Variants in SPG11 observed in about 807,000 individuals in gnomAD.
SPG11 encodes the protein spatacsin.
In SPG11, 222 loss-of-function variants were observed where a neutral mutation model predicts 274.0. That is an observed-to-expected ratio of 0.81 (90% CI 0.73 to 0.91). The LOEUF is 0.91. Ranked by LOEUF, SPG11 falls within the 40% of genes least tolerant of loss-of-function variation. SPG11 has a pLI of 0.00. For synonymous variants in SPG11, 1,144 were observed against 1,039.7 expected (o/e 1.10, Z -1.93); for missense variants, 3,114 against 2,872.7 (o/e 1.08, Z -1.92).
At chr15:44,624,309 G>T (rs907230324) in intron 11 of SPG11, among the ~76,000 whole-genome samples, 1 of 151,236 alleles carries the variant, frequency 6.6e-6, no homozygotes, top group Non-Finnish European at 1.5e-5. Context: ...GCAACATAGT[G>T]AGACCCTGTC....
At chr15:44,603,827 G>A (rs1030192569) in intron 20 of SPG11, among the ~76,000 whole-genome samples, 4 of 152,130 alleles carry the variant, frequency 2.6e-5, no homozygotes, top group African/African-American at 9.7e-5. Context: ...CATGTAGATA[G>A]TTGTTATACT....
At chr15:44,583,697 A>G in intron 30 of SPG11, 117 bp downstream of exon 30, 1 of 1,359,828 alleles carries the variant, frequency 7.4e-7, no homozygotes, top group Non-Finnish European at 1.0e-6. Context: ...TACCTGGAAA[A>G]AAGTTGTTGT....
rs777943276 is a variant in SPG11, at chr15:44,573,691, G to T, written c.6061C>A (p.Arg2021=). 6.2e-7 allele frequency: 1 copy of T among 1,614,050 alleles called. No homozygotes were observed. The highest frequency in any genetic ancestry group is 8.5e-7 in the Non-Finnish European group (1 of 1,180,042). Residue 2021 remains arginine, a synonymous_variant, in exon 32 of 40, where the codon CGG becomes AGG. Coordinates refer to ENST00000261866, the MANE Select transcript of SPG11 (RefSeq NM_025137.4). ...GGCTGCTGAGAGGCCAAGATTTTCCGGAGCATGGCTTCACCATCCTGAGCA... is the reference window on the plus strand; with the variant it reads ...GGCTGCTGAGAGGCCAAGATTTTCCTGAGCATGGCTTCACCATCCTGAGCA... ...VAAQDGEAML[R]KILASQQPDR...
intron 30 of SPG11, among the ~76,000 whole-genome samples, chr15:44,581,945 G>C (rs187305016): frequency 3.9e-5 from 6 of 152,152 alleles, no homozygotes; most frequent in Non-Finnish European, 7.4e-5. Context: ...TAAAATGGAA[G>C]ACTAAAAAAT....
chr15:44,577,585 C>G (rs892234995), intron 30 of SPG11, among the ~76,000 whole-genome samples: 1 of 151,762 alleles, frequency 6.6e-6, no homozygotes, highest in Non-Finnish European at 1.5e-5. Flanking sequence ...CCATGCTATT[C>G]CCCTGCTTAA....
intron 29 of SPG11, 99 bp downstream of exon 29, chr15:44,585,537 G>T (rs914661485): frequency 3.5e-5 from 34 of 966,852 alleles, no homozygotes; most frequent in Non-Finnish European, 5.1e-5. Context: ...GAGAGGCGGA[G>T]CTTGCAGCGA....
chr15:44,596,654 C>T, intron 24 of SPG11, 130 bp downstream of exon 24: 1 of 712,584 alleles, frequency 1.4e-6, no homozygotes, highest in Middle Eastern at 4.6e-4. Flanking sequence ...CAGTACGTAT[C>T]CTGGTCAAAA....
chr15:44,634,611 G>C (rs2084184059), intron 7 of SPG11, among the ~76,000 whole-genome samples: 1 of 151,722 alleles, frequency 6.6e-6, no homozygotes, highest in African/African-American at 2.4e-5. Flanking sequence ...TTTTGAGGCA[G>C]AGTCTTGCTC....
chr15:44,633,738 A>G, intron 7 of SPG11, 101 bp from the exon 8 acceptor site: 1 of 1,293,006 alleles, frequency 7.7e-7, no homozygotes, highest in Non-Finnish European at 1.1e-6. Context: ...ATGTGGTGAG[A>G]CTACAGGAGG....
intron 7 of SPG11, among the ~76,000 whole-genome samples, chr15:44,646,559 T>C (rs944966790): frequency 2.6e-5 from 4 of 152,124 alleles, no homozygotes; most frequent in Admixed American, 2.6e-4. Flanking sequence ...CAATTCAAGA[T>C]GAGATTTGGG....
chr15:44,593,524 C>A (rs2082954643), intron 26 of SPG11, among the ~76,000 whole-genome samples: 1 of 152,178 alleles, frequency 6.6e-6, no homozygotes, highest in South Asian at 2.1e-4. Context: ...GGATAATCTG[C>A]TCTACTGATC....
At chr15:44,603,193 C>G (rs926824116) in intron 20 of SPG11, among the ~76,000 whole-genome samples, 2 of 151,910 alleles carry the variant, frequency 1.3e-5, no homozygotes, top group Admixed American at 6.6e-5. Flanking sequence ...GCACTGTAGG[C>G]ACACACAACT....
At chr15:44,663,033 T>G (rs1206121774) in intron 1 of SPG11, among the ~76,000 whole-genome samples, 1 of 152,196 alleles carries the variant, frequency 6.6e-6, no homozygotes, top group Non-Finnish European at 1.5e-5. Flanking sequence ...CTGAAAGAAA[T>G]GGGCATGGGA....
At chr15:44,623,758 T>C (rs2083819028) in intron 11 of SPG11, among the ~76,000 whole-genome samples, 2 of 152,126 alleles carry the variant, frequency 1.3e-5, no homozygotes, top group South Asian at 2.1e-4. Flanking sequence ...ACTTTTCTTT[T>C]CTTTTTCTTT....
At chr15:44,576,430 C>T (rs1257028213) in intron 30 of SPG11, among the ~76,000 whole-genome samples, 2 of 151,738 alleles carry the variant, frequency 1.3e-5, no homozygotes, top group Non-Finnish European at 2.9e-5. Flanking sequence ...GGGCGGATCA[C>T]AAGGTCAGGA....
chr15:44,569,438 T>G lies in SPG11; in HGVS notation c.6545A>C (p.Lys2182Thr), dbSNP rs754564631. The change falls in exon 35 of 40, where the codon AAG (lysine) becomes ACG (threonine). Residue 2182 changes from lysine to threonine, a missense_variant. Transcript: ENST00000261866. ...MTYIFDLLHK[K>T]HYFEVLMRKK... ...CCTCATTAGCACTTCAAAGTAGTGC[T>G]TTTTATGCAGCAAATCAAATATGTA... 3.7e-6 allele frequency: 6 copies of G among 1,607,026 alleles called. No individual in the cohort carries two copies. The highest frequency in any genetic ancestry group is 5.1e-6 in the Non-Finnish European group (6 of 1,176,236).
intron 24 of SPG11, among the ~76,000 whole-genome samples, 190 bp downstream of exon 24, chr15:44,596,594 G>C (rs1390484158): frequency 8.1e-6 from 1 of 123,674 alleles, no homozygotes; most frequent in Non-Finnish European, 1.6e-5. Context: ...CCAACCCACT[G>C]AAATCTTAGG....
At chr15:44,626,633 TTGGAG>T in intron 10 of SPG11, 126 bp from the exon 11 acceptor site, 1 of 1,015,610 alleles carries the variant, frequency 9.8e-7, no homozygotes, top group Non-Finnish European at 1.4e-6. Flanking sequence ...ATTACTAGAT[TTGGAG>T]TTAGGTTCAA....
rs1555448067 is a variant in SPG11, at chr15:44,577,515, A to AAC, written c.5867-2475_5867-2474insGT. 1.3e-4 allele frequency among the ~76,000 whole-genome samples: 20 copies of AAC among 151,378 alleles called. 1 individual carries two copies. The highest frequency in any genetic ancestry group is 4.0e-4 in the Admixed American group (6 of 15,176). ...GAGGCCCTATCTCAAAAAAAAAAAA[A>AAC]AAAACAAAACAAAAACTCTTAAAGA... On this transcript the variant is annotated intron_variant, in intron 30 of 39. Coordinates refer to ENST00000261866, the MANE Select transcript of SPG11 (RefSeq NM_025137.4).
Sources: gnomAD v4.1 joint callset for allele counts (sites outside exome capture counted in the v4.1 genomes callset) on GRCh38, gnomAD v4.1.1 for gene constraint, MANE v1.5 for transcripts, NCBI Gene and HGNC (gene_info 2026-07-23, HGNC 2026-07-21) for gene names.